Variants in NOP56 observed in about 807,000 individuals in gnomAD.
NOP56 encodes NOP56 ribonucleoprotein.
In NOP56, 31 loss-of-function variants were observed where a neutral mutation model predicts 58.3. The ratio of observed to expected loss-of-function variants is 0.53; its 90% CI spans 0.40 to 0.72. The LOEUF is 0.72. Among genes scored for constraint, NOP56 ranks in the 30% least tolerant of loss-of-function variants. NOP56 has a pLI of 0.00. For synonymous variants in NOP56, 313 were observed against 282.8 expected, an observed-to-expected ratio of 1.11 and a Z score of -1.07; for missense variants, 669 against 739.9, an observed-to-expected ratio of 0.90 and a Z score of 1.11.
Position 2,656,509 on chromosome 20 carries a change from A to T in NOP56, c.1119A>T (p.Ala373=). The stretch of plus-strand genomic sequence containing the variant: ...AAGGCCGCATCTCCCGATACCTGGC[A>T]AACAAATGCAGTATTGCCTCACGAA... The part of the protein sequence containing the change: ...KNKGRISRYL[A]NKCSIASRID... The change falls in exon 9 of 12, where the codon GCA becomes GCT. Residue 373 remains alanine (A), a synonymous_variant. Transcript: ENST00000329276. 6.2e-7 allele frequency: 1 copy of T among 1,614,188 alleles called. No homozygotes were observed. The highest frequency in any genetic ancestry group is 8.5e-7 in the Non-Finnish European group (1 of 1,180,034).
chr20:2,653,790 T>G (rs1260088090), intron 3 of NOP56: 12 of 256,104 alleles, frequency 4.7e-5, no homozygotes, highest in Non-Finnish European at 7.0e-5. Flanking sequence ...TAACTGGGAT[T>G]ACAGGCCTGT....
At chr20:2,653,980 C>T (rs150100797) in intron 3 of NOP56, among the ~76,000 whole-genome samples, 9 of 152,178 alleles carry the variant, frequency 5.9e-5, no homozygotes, top group African/African-American at 1.4e-4. Flanking sequence ...TAAAGGGGGT[C>T]GGCTTAACAC....
chr20:2,655,496 C>A lies in NOP56; in HGVS notation c.741C>A (p.Ala247=), dbSNP rs1208126193. ...DGAKAKAILD[A]SRSSMGMDIS... ...CCAAGGCTAAGGCTATTCTGGATGC[C>A]TCACGGTCCTCCATGGGTCAGTGCA... is the stretch of plus-strand genomic sequence containing the variant. The change falls in exon 6 of 12, where the codon GCC becomes GCA. Residue 247 remains alanine, a synonymous_variant. Coordinates refer to ENST00000329276, the MANE Select transcript of NOP56 (RefSeq NM_006392.4). 1 of 1,614,182 alleles carries A rather than the reference C, an allele frequency of 6.2e-7. No individual in the cohort carries two copies. Among genetic ancestry groups the A allele is most frequent in the Admixed American group, 1.7e-5 (1 of 60,022 alleles).
Position 2,653,311 on chromosome 20 carries a change from C to A in NOP56, c.126C>A (p.Phe42Leu). The change falls in exon 3 of 12, where the codon TTC becomes TTA. Residue 42 changes from phenylalanine to leucine, a missense_variant. Physicochemically the swap from Phe to Leu is conservative, Grantham distance 22. Transcript: ENST00000329276. ...AGTCTGTGCTCAACCTGGGCAAATT[C>A]CACAGCATCGTTCGTCTGGTGGCCT... ...VEESVLNLGK[F>L]HSIVRLVAFC... The A allele has an allele frequency of 6.2e-7, 1 of 1,614,182 alleles. No individual in the cohort carries two copies.
chr20:2,656,868 G>C lies in NOP56; in HGVS notation c.1254G>C (p.Leu418=), dbSNP rs778684101. The C allele has an allele frequency of 2.5e-6, 4 of 1,614,180 alleles. No homozygotes were observed. Among genetic ancestry groups the C allele is most frequent in the Non-Finnish European group, 3.4e-6 (4 of 1,180,038 alleles). The change falls in exon 10 of 12, where the codon CTG becomes CTC. Residue 418 remains leucine, a synonymous_variant. Transcript: ENST00000329276. ...CTGGAGAGATACCACGAAAGAATCT[G>C]GATGTCATGAAGGAAGCAATGGTTC... ...YETGEIPRKN[L]DVMKEAMVQA...
At chr20:2,657,532 G>C in intron 11 of NOP56, 1 of 562,554 alleles carries the variant, frequency 1.8e-6, no homozygotes, top group Non-Finnish European at 3.3e-6. Context: ...CGTGTGTCCG[G>C]AGGTGGTCGT....
At position 2,658,216 on chromosome 20, in the gene NOP56, C is replaced by T. The variant is rs1392786951; in HGVS notation, c.1707C>T (p.Ser569=). The T allele has an allele frequency of 3.1e-6, 5 of 1,604,750 alleles. No individual in the cohort carries two copies. Among genetic ancestry groups the T allele is most frequent in the Admixed American group, 3.5e-5 (2 of 57,836 alleles). ...KRKFSKEEPV[S]SGPEEAVGKS... ...AATTCTCCAAAGAGGAGCCGGTCAG[C>T]AGTGGGCCTGAAGAGGCGGTTGGCA... Residue 569 remains serine, a synonymous_variant, in exon 12 of 12, where the codon AGC becomes AGT. Transcript: ENST00000329276.
rs747662989 is a variant in NOP56 at position 2,657,987 on chromosome 20, A to T, written c.1478A>T (p.Glu493Val). 1.9e-6 allele frequency: 3 copies of T among 1,610,704 alleles called. No individual in the cohort carries two copies. In the South Asian group the frequency reaches 3.3e-5, roughly 18 times the overall value. The change falls in exon 12 of 12, where the codon GAG (glutamate) becomes GTG (valine). Residue 493 changes from glutamate to valine, a missense_variant. Physicochemically the swap from Glu to Val is moderately radical, Grantham distance 121. Coordinates refer to ENST00000329276, the MANE Select transcript of NOP56 (RefSeq NM_006392.4). ...KKQKPQEVPQ[E>V]NGMEDPSISF... ...CAAAAGCCCCAGGAGGTTCCTCAGG[A>T]GAATGGAATGGAAGACCCATCTATC... is the stretch of plus-strand genomic sequence containing the variant.
intron 11 of NOP56, 131 bp from the exon 12 acceptor site, chr20:2,657,798 C>T: frequency 2.0e-6 from 2 of 1,021,732 alleles, no homozygotes; most frequent in East Asian, 4.9e-5. Context: ...TAAAGTTATA[C>T]CCACACAATT....
At chr20:2,654,680 G>C in intron 4 of NOP56, 69 bp from the exon 5 acceptor site, 1 of 1,606,846 alleles carries the variant, frequency 6.2e-7, no homozygotes, top group Non-Finnish European at 8.5e-7. Context: ...CTTCAGGCTG[G>C]GCTGGTGCCC....
chr20:2,652,984 G>T, intron 2 of NOP56, 53 bp downstream of exon 2: 2 of 1,484,686 alleles, frequency 1.3e-6, no homozygotes, highest in Non-Finnish European at 1.8e-6. Flanking sequence ...TCATCGCGCG[G>T]GTCCCAGCAT....
chr20:2,653,409 C>A lies in NOP56; in HGVS notation c.208+16C>A. The A allele has an allele frequency of 6.3e-7, 1 of 1,595,202 alleles. No homozygotes were observed. The highest frequency in any genetic ancestry group is 8.6e-7 in the Non-Finnish European group (1 of 1,162,640). ...GTGTCTGAAGGTAAGTCGGCCACCGCCAAGTGTCACAGAGAGATGTGGTTC... is the reference window on the plus strand; with the variant it reads ...GTGTCTGAAGGTAAGTCGGCCACCGACAAGTGTCACAGAGAGATGTGGTTC... On this transcript the variant is annotated intron_variant, in intron 3 of 11. Coordinates refer to ENST00000329276, the MANE Select transcript of NOP56 (RefSeq NM_006392.4).
intron 3 of NOP56, 67 bp from the exon 4 acceptor site, chr20:2,654,347 C>A: frequency 3.2e-6 from 5 of 1,572,102 alleles, no homozygotes; most frequent in Non-Finnish European, 4.4e-6. Flanking sequence ...CCAGGGTAGT[C>A]AGCTGAGGGA....
At position 2,658,233 on chromosome 20, in the gene NOP56, C is replaced by T. The variant is rs752320891; in HGVS notation, c.1724C>T (p.Ala575Val). The T allele has an allele frequency of 4.1e-5, 65 of 1,601,612 alleles. No homozygotes were observed. Among genetic ancestry groups the T allele is most frequent in the Non-Finnish European group, 4.9e-5 (58 of 1,174,014 alleles). Reference protein sequence around the residue: ...EEPVSSGPEEAVGKSSSKKKK... With the variant: ...EEPVSSGPEEVVGKSSSKKKK... ...CCGGTCAGCAGTGGGCCTGAAGAGG[C>T]GGTTGGCAAGAGCAGCTCCAAGAAG... The change falls in exon 12 of 12, where the codon GCG becomes GTG. Residue 575 changes from alanine to valine, a missense_variant. Physicochemically the swap from Ala to Val is moderately conservative, Grantham distance 64. Transcript: ENST00000329276.
In NOP56 at chr20:2,657,767, A is replaced by C. The variant is rs2086845695; in HGVS notation, c.1420-162A>C. 4 of 747,348 alleles carry C rather than the reference A, an allele frequency of 5.4e-6. No individual in the cohort carries two copies. The Admixed American group carries it at 1.1e-4, about 20-fold the overall frequency. 46.3% of individuals were successfully genotyped at this position (747,348 alleles called of 1,614,324 possible). A position where few individuals can be genotyped will look rare whatever the true frequency, so the allele number is the denominator to read the frequency against. ...TGACATGTTTTCCTTCTAATTTGGG[A>C]CAGCCTTTGGGGTGGATTTCTAAAG... On this transcript the variant is annotated intron_variant, in intron 11 of 11. Coordinates refer to ENST00000329276, the MANE Select transcript of NOP56 (RefSeq NM_006392.4).
intron 2 of NOP56, 138 bp downstream of exon 2, chr20:2,653,069 G>T: frequency 2.4e-6 from 2 of 830,798 alleles, no homozygotes; most frequent in Non-Finnish European, 3.7e-6. Flanking sequence ...TAGATCCGGG[G>T]GTCTTTACCT....
intron 11 of NOP56, 150 bp downstream of exon 11, chr20:2,657,368 T>C (rs2086838913): frequency 8.7e-7 from 1 of 1,143,724 alleles, no homozygotes; most frequent in Non-Finnish European, 1.3e-6. Context: ...CTCTTGATTC[T>C]ATAGGAAGGA....
Position 2,658,111 on chromosome 20 carries a change from G to A in NOP56, c.1602G>A (p.Arg534=). ...ETAGSTSIPK[R]KKSTPKEETV... ...CTGGCAGCACCAGTATTCCCAAGAGGAAGAAGTCTACACCCAAGGAGGAAA... is the reference window on the plus strand; with the variant it reads ...CTGGCAGCACCAGTATTCCCAAGAGAAAGAAGTCTACACCCAAGGAGGAAA... The change falls in exon 12 of 12, where the codon AGG becomes AGA. Residue 534 remains arginine (R), a synonymous_variant. Coordinates refer to ENST00000329276, the MANE Select transcript of NOP56 (RefSeq NM_006392.4). 1 of 1,614,130 alleles carries A rather than the reference G, an allele frequency of 6.2e-7. No individual in the cohort carries two copies. Among genetic ancestry groups the A allele is most frequent in the Non-Finnish European group, 8.5e-7 (1 of 1,180,016 alleles).
chr20:2,653,566 G>C, intron 3 of NOP56, 173 bp downstream of exon 3: 1 of 617,284 alleles, frequency 1.6e-6, no homozygotes, highest in Non-Finnish European at 2.9e-6. Flanking sequence ...AGAGCTCAAG[G>C]TCTGGGAACT....
Sources: allele counts gnomAD v4.1 joint callset (sites outside exome capture counted in the v4.1 genomes callset), GRCh38; gene constraint gnomAD v4.1.1; transcripts MANE v1.5; gene names NCBI Gene and HGNC (gene_info 2026-07-23, HGNC 2026-07-21).